Variants in LDLRAD3 observed in about 807,000 individuals in gnomAD.
LDLRAD3 encodes the protein low density lipoprotein receptor class A domain containing 3, also known as low-density lipoprotein receptor class A domain-containing protein 3.
LDLRAD3 carries 20 observed loss-of-function variants against 29.4 expected under a neutral mutation model. The ratio of observed to expected loss-of-function variants is 0.68; its 90% CI spans 0.48 to 0.99. The LOEUF (loss-of-function observed/expected upper bound fraction) is 0.99, where lower values mean the gene tolerates loss of function less well. Among genes scored for constraint, LDLRAD3 ranks in the 50% least tolerant of loss-of-function variants. The pLI, the probability that LDLRAD3 is intolerant of heterozygous loss-of-function variation, is 0.00. For missense variants in LDLRAD3, 420 were observed against 454.3 expected (o/e 0.92, Z 0.69); for synonymous variants, 157 against 192.7 (o/e 0.81, Z 1.53).
intron 1 of LDLRAD3, among the ~76,000 whole-genome samples, chr11:36,030,352 G>A (rs962375484): frequency 1.6e-4 from 25 of 152,312 alleles, no homozygotes; most frequent in African/African-American, 6.0e-4. Flanking sequence ...CTAGAGTCGA[G>A]GAGGTCTTCA....
intron 3 of LDLRAD3, among the ~76,000 whole-genome samples, chr11:36,088,818 T>G (rs1474705910): frequency 6.6e-6 from 1 of 152,234 alleles, no homozygotes; most frequent in Non-Finnish European, 1.5e-5. Flanking sequence ...AAGGCTGGGC[T>G]GGGTCATCCT....
chr11:36,057,230 C>T (rs1001281471), intron 2 of LDLRAD3, among the ~76,000 whole-genome samples: 1 of 152,270 alleles, frequency 6.6e-6, no homozygotes, highest in South Asian at 2.1e-4. Flanking sequence ...TTCCTGTGAT[C>T]GTCAGGGTCC....
chr11:36,116,844 CT>C (rs58819693), intron 4 of LDLRAD3, among the ~76,000 whole-genome samples: 7,601 of 136,824 alleles, frequency 0.056, 395 homozygotes, highest in East Asian at 0.33. Context: ...TTCTTTTTTT[CT>C]TTTTTTTTTT....
chr11:36,029,877 A>G (rs1258192669), intron 1 of LDLRAD3, among the ~76,000 whole-genome samples: 1 of 152,204 alleles, frequency 6.6e-6, no homozygotes, highest in Non-Finnish European at 1.5e-5. Flanking sequence ...CCCACTCACT[A>G]TCCCGGTGAC....
intron 4 of LDLRAD3, among the ~76,000 whole-genome samples, chr11:36,198,700 C>G (rs1229236854): frequency 3.3e-5 from 5 of 152,224 alleles, no homozygotes; most frequent in African/African-American, 1.2e-4. Context: ...AAGGCTACCT[C>G]CTGGCACCTG....
chr11:36,203,998 A>G (rs1855166409), intron 4 of LDLRAD3, among the ~76,000 whole-genome samples: 1 of 123,538 alleles, frequency 8.1e-6, no homozygotes, highest in African/African-American at 3.1e-5. Flanking sequence ...CTCATTAAGC[A>G]CAATGGCTTT....
intron 4 of LDLRAD3, among the ~76,000 whole-genome samples, chr11:36,121,158 T>A (rs1458522131): frequency 1.3e-5 from 2 of 152,054 alleles, no homozygotes; most frequent in African/African-American, 2.4e-5. Context: ...TTGGATGAAA[T>A]GAATAAACGA....
At chr11:36,179,079 G>A (rs565581689) in intron 4 of LDLRAD3, among the ~76,000 whole-genome samples, 44 of 152,338 alleles carry the variant, frequency 2.9e-4, no homozygotes, top group African/African-American at 1.1e-3. Context: ...GAACAACAAT[G>A]AAGCAGGGAG....
intron 1 of LDLRAD3, among the ~76,000 whole-genome samples, chr11:36,001,441 T>C (rs1021615939): frequency 1.3e-5 from 2 of 152,188 alleles, no homozygotes; most frequent in African/African-American, 2.4e-5. Flanking sequence ...AAAGATTCTG[T>C]AGAGGAATTC....
intron 4 of LDLRAD3, among the ~76,000 whole-genome samples, chr11:36,154,346 T>A (rs1049720779): frequency 2.0e-5 from 3 of 152,142 alleles, no homozygotes; most frequent in African/African-American, 7.2e-5. Flanking sequence ...ACTGTTAGTG[T>A]CCAAGAGATG....
intron 4 of LDLRAD3, among the ~76,000 whole-genome samples, chr11:36,151,590 T>C (rs1336766899): frequency 6.6e-6 from 1 of 152,100 alleles, no homozygotes; most frequent in Non-Finnish European, 1.5e-5. Flanking sequence ...GGCACTCCGC[T>C]CCCTCCTTAA....
chr11:36,088,068 T>C (rs1853221914), intron 3 of LDLRAD3, among the ~76,000 whole-genome samples: 1 of 151,496 alleles, frequency 6.6e-6, no homozygotes, highest in Admixed American at 6.6e-5. Context: ...TTGCCCAGAC[T>C]GGTCTTGAAC....
At chr11:35,965,797 A>G (rs1851333472) in intron 1 of LDLRAD3, among the ~76,000 whole-genome samples, 1 of 152,224 alleles carries the variant, frequency 6.6e-6, no homozygotes. Context: ...TTCAATTTAA[A>G]AAATTCGCTT....
chr11:36,133,530 C>T (rs569993974), intron 4 of LDLRAD3, among the ~76,000 whole-genome samples: 8 of 148,014 alleles, frequency 5.4e-5, no homozygotes, highest in African/African-American at 7.5e-5. Context: ...AGCCCAAGTC[C>T]GTTTTCTTTT....
intron 4 of LDLRAD3, among the ~76,000 whole-genome samples, chr11:36,220,343 T>C (rs1227624504): frequency 6.6e-6 from 1 of 152,150 alleles, no homozygotes; most frequent in Non-Finnish European, 1.5e-5. Context: ...CTCAGCCCTA[T>C]GTATGCCCAA....
chr11:36,226,648 G>A (rs371865785), intron 4 of LDLRAD3, among the ~76,000 whole-genome samples: 6 of 152,266 alleles, frequency 3.9e-5, no homozygotes, highest in South Asian at 2.1e-4. Context: ...GGACATTCCC[G>A]TCACCCCAAC....
At chr11:36,170,798 T>C (rs1478066792) in intron 4 of LDLRAD3, among the ~76,000 whole-genome samples, 2 of 151,684 alleles carry the variant, frequency 1.3e-5, no homozygotes, top group Non-Finnish European at 2.9e-5. Flanking sequence ...GCCATTTGTA[T>C]ATCTTCTTTT....
intron 1 of LDLRAD3, among the ~76,000 whole-genome samples, chr11:35,981,180 G>GT (rs1851536751): frequency 6.8e-6 from 1 of 147,202 alleles, no homozygotes; most frequent in South Asian, 2.4e-4. Flanking sequence ...CATACTTTTG[G>GT]GAAACGTGAG....
intron 1 of LDLRAD3, among the ~76,000 whole-genome samples, chr11:35,991,866 T>TG (rs1491547373): frequency 0.083 from 5,847 of 70,544 alleles, 245 homozygotes; most frequent in African/African-American, 0.15. Flanking sequence ...TGAATGGTTG[T>TG]TTGTGTGTGT....
Sources: gnomAD v4.1 joint callset for allele counts (sites outside exome capture counted in the v4.1 genomes callset) on GRCh38, gnomAD v4.1.1 for gene constraint, MANE v1.5 for transcripts, NCBI Gene and HGNC (gene_info 2026-07-23, HGNC 2026-07-21) for gene names.